CCDC178: variants seen among roughly 807,000 people sequenced by gnomAD.
CCDC178 encodes the protein coiled-coil domain-containing protein 178.
In CCDC178, 126 loss-of-function variants were observed where a neutral mutation model predicts 117.4. The observed-to-expected ratio is 1.07, with a 90% CI of 0.93 to 1.24. The LOEUF (loss-of-function observed/expected upper bound fraction) is 1.24. Among genes scored for constraint, CCDC178 ranks in the 50% most tolerant of loss-of-function variants. The pLI is 0.00. For missense variants in CCDC178, 1,030 were observed against 986.9 expected (o/e 1.04, Z -0.59); for synonymous variants, 283 against 313.4 (o/e 0.90, Z 1.02).
rs141146561 is a variant in CCDC178 at position 33,364,386 on chromosome 18, G to T, written c.348+5664C>A. Among the ~76,000 whole-genome samples, 1,146 of 152,124 alleles carry T rather than the reference G, an allele frequency of 7.5e-3. 13 individuals are homozygous for T. The highest frequency in any genetic ancestry group is 6.0e-3 in the Non-Finnish European group (406 of 67,984). On this transcript the variant is annotated intron_variant, in intron 6 of 22. Transcript: ENST00000383096. ...GAATAAATGAGTGATTGGGAGGTGT[G>T]GAATTAGATACTAAATATAGACAAC...
chr18:33,181,522 A>G (rs1344652974), intron 20 of CCDC178, among the ~76,000 whole-genome samples: 1 of 152,010 alleles, frequency 6.6e-6, no homozygotes, highest in Non-Finnish European at 1.5e-5. Flanking sequence ...CATGAAATGC[A>G]TGCAAACATG....
intron 21 of CCDC178, among the ~76,000 whole-genome samples, chr18:33,048,504 C>G (rs2056686937): frequency 6.6e-6 from 1 of 151,990 alleles, no homozygotes; most frequent in Non-Finnish European, 1.5e-5. Flanking sequence ...TGAAATAAAC[C>G]ATGATATAAA....
intron 7 of CCDC178, among the ~76,000 whole-genome samples, chr18:33,353,665 T>C (rs1176793732): frequency 6.6e-6 from 1 of 152,096 alleles, no homozygotes; most frequent in African/African-American, 2.4e-5. Flanking sequence ...TATTTATATA[T>C]AAAGAACTCT....
intron 22 of CCDC178, among the ~76,000 whole-genome samples, chr18:32,967,756 T>C (rs929314890): frequency 4.6e-5 from 7 of 151,758 alleles, no homozygotes; most frequent in African/African-American, 1.7e-4. Context: ...AACTGACAAA[T>C]TTTTTGTTTT....
At chr18:33,093,935 C>G (rs1351427281) in intron 20 of CCDC178, among the ~76,000 whole-genome samples, 1 of 151,788 alleles carries the variant, frequency 6.6e-6, no homozygotes, top group African/African-American at 2.4e-5. Flanking sequence ...CATTGTGAAG[C>G]AATTAAAATT....
intron 20 of CCDC178, among the ~76,000 whole-genome samples, chr18:33,113,642 G>A (rs138781067): frequency 2.6e-4 from 40 of 152,074 alleles, no homozygotes; most frequent in Middle Eastern, 3.4e-3. Context: ...GGCATAAACC[G>A]ATCACCAGCT....
At chr18:33,001,705 ACTAACCTCTC>A (rs2055637368) in intron 21 of CCDC178, among the ~76,000 whole-genome samples, 1 of 152,102 alleles carries the variant, frequency 6.6e-6, no homozygotes, top group Non-Finnish European at 1.5e-5. Flanking sequence ...ATGTAAACAG[ACTAACCTCTC>A]CAGTCAAAAG....
intron 21 of CCDC178, among the ~76,000 whole-genome samples, chr18:33,042,356 T>C (rs897202727): frequency 3.3e-5 from 5 of 151,876 alleles, no homozygotes; most frequent in African/African-American, 7.2e-5. Context: ...TTTAATATTA[T>C]AGAAAGTACA....
intron 21 of CCDC178, among the ~76,000 whole-genome samples, chr18:33,085,387 C>T (rs1448618931): frequency 6.6e-6 from 1 of 152,022 alleles, no homozygotes; most frequent in Admixed American, 6.6e-5. Context: ...CACGGTGAAA[C>T]CCCGTTTCTA....
At chr18:33,029,355 A>C (rs1433239839) in intron 21 of CCDC178, among the ~76,000 whole-genome samples, 1 of 151,932 alleles carries the variant, frequency 6.6e-6, no homozygotes, top group South Asian at 2.1e-4. Context: ...AGTTGGTAAT[A>C]ATATCACATC....
At position 33,126,436 on chromosome 18, in the gene CCDC178, TAATATATGA is replaced by T. The variant is rs956031423; in HGVS notation, c.2239-33535_2239-33527del. 6.7e-5 allele frequency among the ~76,000 whole-genome samples: 10 copies of T among 149,054 alleles called. 1 individual carries two copies. Among genetic ancestry groups the T allele is most frequent in the Non-Finnish European group, 5.9e-5 (4 of 67,440 alleles). On this transcript the variant is annotated intron_variant, in intron 20 of 22. Coordinates refer to ENST00000383096, the MANE Select transcript of CCDC178 (RefSeq NM_001105528.4). ...AATATAAATATATATATAATACATG[TAATATATGA>T]AATATATGTATATATATACTAAACT...
chr18:33,193,059 A>T (rs2058880726), intron 20 of CCDC178, among the ~76,000 whole-genome samples: 1 of 151,292 alleles, frequency 6.6e-6, no homozygotes, highest in Non-Finnish European at 1.5e-5. Flanking sequence ...GGAGATTGAG[A>T]CCATCTTGGC....
At chr18:33,335,428 G>A (rs1410703909) in intron 9 of CCDC178, among the ~76,000 whole-genome samples, 1 of 151,884 alleles carries the variant, frequency 6.6e-6, no homozygotes, top group African/African-American at 2.4e-5. Flanking sequence ...TTGTTCCAAA[G>A]AGTCAGACAT....
intron 15 of CCDC178, among the ~76,000 whole-genome samples, chr18:33,236,280 A>C (rs1378134312): frequency 6.6e-6 from 1 of 152,200 alleles, no homozygotes; most frequent in Non-Finnish European, 1.5e-5. Context: ...GATTTTCATG[A>C]ATCAGTCCAT....
intron 6 of CCDC178, among the ~76,000 whole-genome samples, chr18:33,356,647 A>T (rs2063061445): frequency 6.6e-6 from 1 of 152,146 alleles, no homozygotes; most frequent in Non-Finnish European, 1.5e-5. Flanking sequence ...TGTAATCTAG[A>T]CACAACAGAC....
At chr18:33,086,902 AC>A (rs1360695596) in intron 21 of CCDC178, among the ~76,000 whole-genome samples, 21 of 151,390 alleles carry the variant, frequency 1.4e-4, no homozygotes, top group African/African-American at 4.9e-4. Context: ...GCCAGAGGCA[AC>A]CAAAAATGTC....
At chr18:33,138,354 A>G (rs1887747474) in intron 20 of CCDC178, among the ~76,000 whole-genome samples, 1 of 152,172 alleles carries the variant, frequency 6.6e-6, no homozygotes, top group Admixed American at 6.5e-5. Context: ...AGGTACAGGT[A>G]TTACTATTAT....
chr18:33,428,285 A>G (rs1273604527), intron 2 of CCDC178, among the ~76,000 whole-genome samples: 1 of 152,176 alleles, frequency 6.6e-6, no homozygotes, highest in East Asian at 1.9e-4. Context: ...AATATCTAGA[A>G]AAGTCTTAAC....
At chr18:33,378,001 T>C (rs1335512760) in intron 5 of CCDC178, among the ~76,000 whole-genome samples, 7 of 152,220 alleles carry the variant, frequency 4.6e-5, no homozygotes, top group Non-Finnish European at 8.8e-5. Context: ...GGTAACTTTA[T>C]AGAAATAGCG....
Sources: allele counts gnomAD v4.1 joint callset (sites outside exome capture counted in the v4.1 genomes callset), GRCh38; gene constraint gnomAD v4.1.1; transcripts MANE v1.5; gene names NCBI Gene and HGNC (gene_info 2026-07-23, HGNC 2026-07-21).